The following CDX4 variants were observed in gnomAD, a reference collection of about 807,000 sequenced individuals.
The protein encoded by CDX4 is homeobox protein CDX-4.
Under a neutral mutation model 14.1 loss-of-function variants are expected in CDX4, and 11 were observed. The observed-to-expected ratio is 0.78, with a 90% CI of 0.49 to 1.29. The LOEUF is 1.29. CDX4 is among the 50% of genes most tolerant of loss of function. The probability of loss-of-function intolerance (pLI) is 0.00; values close to 1 mark genes in which losing one functional copy is unlikely to be tolerated. For synonymous variants in CDX4, 100 were observed against 93.5 expected, an observed-to-expected ratio of 1.07 and a Z score of -0.40; for missense variants, 257 against 237.4, an observed-to-expected ratio of 1.08 and a Z score of -0.54.
chrX:73,453,636 G>C lies in CDX4; in HGVS notation c.622G>C (p.Val208Leu). The C allele has an allele frequency of 8.3e-7, 1 of 1,206,789 alleles. No homozygotes were observed. Among genetic ancestry groups the C allele is most frequent in the Non-Finnish European group, 1.1e-6 (1 of 892,390 alleles). Residue 208 changes from valine to leucine, a missense_variant, in exon 2 of 3, where the codon GTT (valine) becomes CTT (leucine). Coordinates refer to ENST00000373514, the MANE Select transcript of CDX4 (RefSeq NM_005193.2). ...CATCCAGAGAAAATCAGAGCTGGCA[G>C]TTAACCTGGGCCTTTCCGAGAGACA... ...ITIQRKSELAVNLGLSERQVK... is the reference protein window; with the variant it reads ...ITIQRKSELALNLGLSERQVK...
At chrX:73,451,626 T>C (rs183630226) in intron 1 of CDX4, among the ~76,000 whole-genome samples, 292 of 111,453 alleles carry the variant, frequency 2.6e-3, no homozygotes, top group Non-Finnish European at 3.9e-3. Flanking sequence ...GGGGAATTTA[T>C]GACCAATGGG....
rs984323940 is a variant in CDX4 at position 73,454,261 on chromosome X, T to C, written c.649-118T>C. 33 of 508,482 alleles carry C rather than the reference T, an allele frequency of 6.5e-5. No homozygotes were observed. The Admixed American group carries it at 1.1e-3, about 17-fold the overall frequency. The allele number at this position is 508,482 out of a possible 1,213,427, so 41.9% of individuals were successfully genotyped here. On this transcript the variant is annotated intron_variant, in intron 2 of 2. Transcript: ENST00000373514. Reference sequence around the variant, plus strand: ...TAAGTGGGCATACTTCACAAGGTCATTGTGAGGCTGAAATGAAGTGATGCA... The same window carrying C: ...TAAGTGGGCATACTTCACAAGGTCACTGTGAGGCTGAAATGAAGTGATGCA...
chrX:73,454,294 G>A (rs2147490904), intron 2 of CDX4, 85 bp from the exon 3 acceptor site: 1 of 629,237 alleles, frequency 1.6e-6, no homozygotes, highest in Non-Finnish European at 2.5e-6. Context: ...GCATATGAAA[G>A]GGCTTTGTAA....
At chrX:73,454,337 C>G (rs2057099416) in intron 2 of CDX4, 42 bp from the exon 3 acceptor site, 1 of 941,972 alleles carries the variant, frequency 1.1e-6, no homozygotes, top group Middle Eastern at 2.7e-4. Context: ...TCAGAAATCA[C>G]TAAGTTAACT....
chrX:73,450,038 T>G (rs1191375641), intron 1 of CDX4, among the ~76,000 whole-genome samples: 1 of 112,288 alleles, frequency 8.9e-6, no homozygotes, highest in East Asian at 2.8e-4. Context: ...TCTGTAGTAC[T>G]GTGGGATAAC....
Position 73,447,494 on chromosome X carries a change from G to A in CDX4, c.241G>A (p.Glu81Lys), listed in dbSNP as rs751019321. 8.3e-7 allele frequency: 1 copy of A among 1,212,085 alleles called. No individual in the cohort carries two copies. Among genetic ancestry groups the A allele is most frequent in the Non-Finnish European group, 1.1e-6 (1 of 895,558 alleles). Residue 81 changes from glutamate to lysine, a missense_variant, in exon 1 of 3, where the codon GAA (glutamate) becomes AAA (lysine). Transcript: ENST00000373514. ...GGGCTCACCCTACAGTCCCCCGCGA[G>A]AAGACTGGAGCGTGTATCCTGGGCC... ...VWGSPYSPPR[E>K]DWSVYPGPSS...
chrX:73,450,480 TTCTG>T (rs2057083596), intron 1 of CDX4, among the ~76,000 whole-genome samples: 1 of 112,204 alleles, frequency 8.9e-6, no homozygotes, highest in Admixed American at 9.4e-5. Flanking sequence ...AGAGAGGCTT[TTCTG>T]TTAGAAGTGG....
intron 1 of CDX4, among the ~76,000 whole-genome samples, chrX:73,448,806 ACT>A (rs1164865627): frequency 9.0e-6 from 1 of 111,686 alleles, no homozygotes; most frequent in African/African-American, 3.3e-5. Flanking sequence ...GTAAAAATCG[ACT>A]CTGAGTATTT....
rs758155962 is a variant in CDX4, at chrX:73,447,421, T to C, written c.168T>C (p.Tyr56=). ...CGGCTTTCTCGCACTATATGGGGTA[T>C]CCTCATATGCCCAGCATGGATCCTC... The part of the protein sequence containing the change: ...AAPAFSHYMG[Y]PHMPSMDPHW... The change falls in exon 1 of 3, where the codon TAT becomes TAC. Residue 56 remains tyrosine (Y), a synonymous_variant. Transcript: ENST00000373514. 8.3e-7 allele frequency: 1 copy of C among 1,208,459 alleles called. No homozygotes were observed. The highest frequency in any genetic ancestry group is 3.0e-5 in the East Asian group (1 of 33,685).
At position 73,447,145 on chromosome X, in the gene CDX4, C is replaced by A. The variant is rs1283736810; in HGVS notation, c.-109C>A. On this transcript the variant is annotated 5_prime_UTR_variant, in exon 1 of 3. Coordinates refer to ENST00000373514, the MANE Select transcript of CDX4 (RefSeq NM_005193.2). Reference sequence around the variant, plus strand: ...AGCCTGAGGGGTGCAAAAGAGCTTGCGGCACAACTACGTACTGATAAGTTT... The same window carrying A: ...AGCCTGAGGGGTGCAAAAGAGCTTGAGGCACAACTACGTACTGATAAGTTT... The A allele has an allele frequency of 7.7e-6, 7 of 906,630 alleles. No homozygotes were observed. The East Asian group carries it at 2.2e-4, about 28-fold the overall frequency. 74.7% of individuals were successfully genotyped at this position (906,630 alleles called of 1,213,427 possible).
Position 73,453,670 on chromosome X carries a change from A to G in CDX4, c.648+8A>G. ...GGCCTTTCCGAGAGACAGGTACACC[A>G]GAAGTATATCCAACATGTCCCGTAT... On this transcript the variant is annotated splice_region_variant and intron_variant, in intron 2 of 2. Coordinates refer to ENST00000373514, the MANE Select transcript of CDX4 (RefSeq NM_005193.2). The G allele has an allele frequency of 8.4e-7, 1 of 1,195,931 alleles. No individual in the cohort carries two copies. Among genetic ancestry groups the G allele is most frequent in the Non-Finnish European group, 1.1e-6 (1 of 883,781 alleles).
chrX:73,452,298 G>T lies in CDX4; in HGVS notation c.503-1219G>T, dbSNP rs1182170178. ...GCCTGTGCTGTATCTTAACACCTCA[G>T]TGGAGTTTAGGGAACCACTTTAAAG... On this transcript the variant is annotated intron_variant, in intron 1 of 2. Transcript: ENST00000373514. Among the ~76,000 whole-genome samples, 3 of 109,526 alleles carry T rather than the reference G, an allele frequency of 2.7e-5. No individual in the cohort carries two copies. The South Asian group carries it at 1.2e-3, about 43-fold the overall frequency.
At chrX:73,450,687 T>C (rs772528614) in intron 1 of CDX4, among the ~76,000 whole-genome samples, 1 of 112,156 alleles carries the variant, frequency 8.9e-6, no homozygotes, top group Admixed American at 9.4e-5. Context: ...GGGACAACTT[T>C]TTAAAAATGA....
At chrX:73,452,123 CTTTTT>C (rs34896025) in intron 1 of CDX4, among the ~76,000 whole-genome samples, 6 of 66,672 alleles carry the variant, frequency 9.0e-5, no homozygotes, top group African/African-American at 3.2e-4. Context: ...CACTGGTGTC[CTTTTT>C]TTTTTTTTTT....
At chrX:73,452,837 C>T (rs183646533) in intron 1 of CDX4, among the ~76,000 whole-genome samples, 389 of 111,519 alleles carry the variant, frequency 3.5e-3, no homozygotes, top group African/African-American at 9.9e-3. Context: ...CATTATTATG[C>T]GTCCCAGCAT....
Position 73,454,425 on chromosome X carries a change from T to C in CDX4, c.695T>C (p.Ile232Thr), listed in dbSNP as rs941508566. ...QNRRAKERKM[I>T]KKKISQFENS... Reference sequence around the variant, plus strand: ...CGCAGAGCCAAGGAGAGAAAGATGATCAAAAAGAAAATCTCCCAGTTTGAG... The same window carrying C: ...CGCAGAGCCAAGGAGAGAAAGATGACCAAAAAGAAAATCTCCCAGTTTGAG... The change falls in exon 3 of 3, where the codon ATC (isoleucine) becomes ACC (threonine). Residue 232 changes from isoleucine (I) to threonine (T), a missense_variant. By Grantham distance (89) the Ile-to-Thr change is moderately conservative. Transcript: ENST00000373514. 3.9e-5 allele frequency: 47 copies of C among 1,207,452 alleles called. No homozygotes were observed. The highest frequency in any genetic ancestry group is 4.9e-5 in the Non-Finnish European group (44 of 893,711).
intron 1 of CDX4, 104 bp from the exon 2 acceptor site, chrX:73,453,413 T>A: frequency 1.6e-6 from 1 of 626,516 alleles, no homozygotes. Context: ...TATTTTATAT[T>A]TTAAAGCAAA....
At chrX:73,450,243 G>A (rs1305029072) in intron 1 of CDX4, among the ~76,000 whole-genome samples, 2 of 111,931 alleles carry the variant, frequency 1.8e-5, no homozygotes, top group African/African-American at 3.2e-5. Flanking sequence ...TCTAATGAGA[G>A]CAAGGAGGCT....
intron 1 of CDX4, among the ~76,000 whole-genome samples, chrX:73,448,186 C>A (rs958647858): frequency 9.0e-6 from 1 of 110,834 alleles, no homozygotes; most frequent in Non-Finnish European, 1.9e-5. Flanking sequence ...AAACCCTTAC[C>A]CATCTGAGCG....
Sources: gnomAD v4.1 joint callset for allele counts (sites outside exome capture counted in the v4.1 genomes callset) on GRCh38, gnomAD v4.1.1 for gene constraint, MANE v1.5 for transcripts, NCBI Gene and HGNC (gene_info 2026-07-23, HGNC 2026-07-21) for gene names.